VPS13A: variants seen among roughly 807,000 people sequenced by gnomAD.
VPS13A encodes vacuolar protein sorting 13 homolog A.
Under a neutral mutation model 390.9 loss-of-function variants are expected in VPS13A, and 264 were observed. That is an observed-to-expected ratio of 0.68 (90% CI 0.61 to 0.75). The LOEUF is 0.75. VPS13A is among the 30% of genes least tolerant of loss of function. VPS13A has a pLI of 0.00. For synonymous variants in VPS13A, 1,231 were observed against 1,227.1 expected (o/e 1.00, Z -0.07); for missense variants, 3,409 against 3,733.9 (o/e 0.91, Z 2.27).
At chr9:77,238,783 T>C (rs1469139503) in intron 19 of VPS13A, among the ~76,000 whole-genome samples, 2 of 152,196 alleles carry the variant, frequency 1.3e-5, no homozygotes, top group East Asian at 3.8e-4. Flanking sequence ...ATTTCTTCCT[T>C]AAATATTTGG....
intron 48 of VPS13A, 53 bp downstream of exon 48, chr9:77,339,964 T>A: frequency 1.9e-6 from 3 of 1,584,754 alleles, no homozygotes; most frequent in Non-Finnish European, 2.6e-6. Context: ...TGTCACTTTT[T>A]AGTTTTTAAA....
At chr9:77,332,327 A>T (rs1355978300) in intron 46 of VPS13A, among the ~76,000 whole-genome samples, 1 of 152,022 alleles carries the variant, frequency 6.6e-6, no homozygotes, top group Non-Finnish European at 1.5e-5. Context: ...TCTTAAATAT[A>T]ATTATATTTT....
At chr9:77,185,365 C>T (rs1824269158) in intron 1 of VPS13A, among the ~76,000 whole-genome samples, 1 of 152,166 alleles carries the variant, frequency 6.6e-6, no homozygotes, top group African/African-American at 2.4e-5. Context: ...TGGTCTTGAT[C>T]TCTTGACCTT....
intron 69 of VPS13A, 66 bp from the exon 70 acceptor site, chr9:77,405,798 C>CTGTT: frequency 1.3e-6 from 2 of 1,594,974 alleles, no homozygotes; most frequent in Non-Finnish European, 8.5e-7. Flanking sequence ...CATTCGTATC[C>CTGTT]TGTTGTTATT....
chr9:77,319,790 C>A, intron 42 of VPS13A, 117 bp downstream of exon 42: 1 of 558,824 alleles, frequency 1.8e-6, no homozygotes, highest in Non-Finnish European at 3.1e-6. Context: ...CAGAGATTTC[C>A]CGTATACCAC....
chr9:77,326,160 T>C (rs960643732), intron 45 of VPS13A, among the ~76,000 whole-genome samples: 2 of 152,190 alleles, frequency 1.3e-5, no homozygotes, highest in Non-Finnish European at 2.9e-5. Flanking sequence ...TGTGTCAATC[T>C]TTTCTTCAGC....
intron 33 of VPS13A, among the ~76,000 whole-genome samples, chr9:77,298,503 G>C (rs1303932717): frequency 6.6e-6 from 1 of 152,138 alleles, no homozygotes; most frequent in African/African-American, 2.4e-5. Context: ...TGCTGATATT[G>C]TTAACCATGA....
Position 77,421,455 on chromosome 9 carries a change from T to A in VPS13A, c.*5449T>A, listed in dbSNP as rs141622935. 39 of 152,350 alleles carry A rather than the reference T, an allele frequency of 2.6e-4. No homozygotes were observed. The highest frequency in any genetic ancestry group is 2.4e-3 in the Admixed American group (36 of 15,304). The allele number at this position is 152,350 out of a possible 1,614,324, so 9.4% of individuals were successfully genotyped here. A position where few individuals can be genotyped will look rare whatever the true frequency, so the allele number is the denominator to read the frequency against. On this transcript the variant is annotated 3_prime_UTR_variant, in exon 72 of 72. Coordinates refer to ENST00000360280, the MANE Select transcript of VPS13A (RefSeq NM_033305.3). ...TTTCTTAACAATAAGCATTTCTTGG[T>A]ATTGGTAGATTTGGATTGCATGGTA...
chr9:77,250,800 G>A (rs1460027479), intron 21 of VPS13A, among the ~76,000 whole-genome samples: 1 of 152,156 alleles, frequency 6.6e-6, no homozygotes. Context: ...AGCTAGTTTT[G>A]AAGATGAAGT....
At chr9:77,241,787 G>T (rs1002132414) in intron 19 of VPS13A, among the ~76,000 whole-genome samples, 1 of 152,144 alleles carries the variant, frequency 6.6e-6, no homozygotes, top group African/African-American at 2.4e-5. Flanking sequence ...GACTGCCAAA[G>T]AATTCTTGGG....
chr9:77,220,396 A>ATTTT lies in VPS13A; in HGVS notation c.989+25_989+28dup. 2.3e-6 allele frequency: 3 copies of ATTTT among 1,293,432 alleles called. No homozygotes were observed. The highest frequency in any genetic ancestry group is 2.1e-5 in the Admixed American group (1 of 48,484). 80.1% of individuals were successfully genotyped at this position (1,293,432 alleles called of 1,614,324 possible). ...ATGCCAGAGAATGGTAAATGCCTTGATTTTTTTTTTTTTTTAGATTTTAAA... is the reference window on the plus strand; with the variant it reads ...ATGCCAGAGAATGGTAAATGCCTTGATTTTTTTTTTTTTTTTTTTAGATTTTAAA... On this transcript the variant is annotated intron_variant, in intron 12 of 71. Transcript: ENST00000360280.
chr9:77,400,827 G>GA (rs60578931), intron 68 of VPS13A, among the ~76,000 whole-genome samples: 84,361 of 133,230 alleles, frequency 0.63, 26,370 homozygotes, highest in Middle Eastern at 0.77. Flanking sequence ...GACTCTGTCT[G>GA]AAAAAAAAAA....
Position 77,370,588 on chromosome 9 carries a change from T to C in VPS13A, c.8907+10T>C. ...AAAAGGCTTAGTTTCTGTAAGAAATTTCACAGGGTTGTGAAGATTTTGGGA... is the reference window on the plus strand; with the variant it reads ...AAAAGGCTTAGTTTCTGTAAGAAATCTCACAGGGTTGTGAAGATTTTGGGA... On this transcript the variant is annotated intron_variant, in intron 65 of 71. Coordinates refer to ENST00000360280, the MANE Select transcript of VPS13A (RefSeq NM_033305.3). 6.2e-7 allele frequency: 1 copy of C among 1,614,064 alleles called. No homozygotes were observed. The highest frequency in any genetic ancestry group is 8.5e-7 in the Non-Finnish European group (1 of 1,180,002).
intron 45 of VPS13A, among the ~76,000 whole-genome samples, chr9:77,324,770 GGGTTT>G (rs1829918085): frequency 6.9e-6 from 1 of 144,766 alleles, no homozygotes; most frequent in Admixed American, 6.8e-5. Context: ...CGCATCTCCT[GGGTTT>G]AAGCAATCCT....
At chr9:77,236,601 T>C (rs186372999) in intron 17 of VPS13A, among the ~76,000 whole-genome samples, 3 of 152,346 alleles carry the variant, frequency 2.0e-5, no homozygotes, top group East Asian at 1.9e-4. Context: ...TATTTGGAAA[T>C]AGCCTTTGCA....
In VPS13A at chr9:77,368,144, T is replaced by C; in HGVS notation, c.8553+8T>C. On this transcript the variant is annotated splice_region_variant and intron_variant, in intron 62 of 71. Transcript: ENST00000360280. ...AGACACTATTCAAAACAGGTTTGTC[T>C]AAGATTATATTACAGAGGGACAGAG... 1 of 1,605,722 alleles carries C rather than the reference T, an allele frequency of 6.2e-7. No homozygotes were observed. The highest frequency in any genetic ancestry group is 1.3e-5 in the African/African-American group (1 of 74,922).
At position 77,358,204 on chromosome 9, in the gene VPS13A, C is replaced by T. The variant is rs62573250; in HGVS notation, c.7954-153C>T. Reference sequence around the variant, plus strand: ...CTCCTGACCCCAGATGATCCACCCGCCTCGGCCTCCCAAAGTGCTGGGATT... The same window carrying T: ...CTCCTGACCCCAGATGATCCACCCGTCTCGGCCTCCCAAAGTGCTGGGATT... On this transcript the variant is annotated intron_variant, in intron 56 of 71. Coordinates refer to ENST00000360280, the MANE Select transcript of VPS13A (RefSeq NM_033305.3). Among the ~76,000 whole-genome samples the T allele has an allele frequency of 0.028, 4,202 of 152,104 alleles. 77 individuals are homozygous for T. The highest frequency in any genetic ancestry group is 0.044 in the Non-Finnish European group (2,982 of 68,006).
chr9:77,411,020 T>C lies in VPS13A; in HGVS notation c.9474+3413T>C, dbSNP rs538306120. On this transcript the variant is annotated intron_variant, in intron 71 of 71. Coordinates refer to ENST00000360280, the MANE Select transcript of VPS13A (RefSeq NM_033305.3). ...GCACCACACTGCACTTATTCCAAAA[T>C]TGACCACTTAGTTGGAAGTAAAGCA... Among the ~76,000 whole-genome samples, 17 of 152,292 alleles carry C rather than the reference T, an allele frequency of 1.1e-4. No individual in the cohort carries two copies. The East Asian group carries it at 2.3e-3, about 21-fold the overall frequency.
intron 17 of VPS13A, among the ~76,000 whole-genome samples, chr9:77,237,482 A>G (rs987029770): frequency 2.6e-5 from 4 of 152,008 alleles, no homozygotes; most frequent in African/African-American, 9.7e-5. Context: ...TTCCTGCCTC[A>G]GCCTCCCGAG....
Sources: allele counts gnomAD v4.1 joint callset (sites outside exome capture counted in the v4.1 genomes callset), GRCh38; gene constraint gnomAD v4.1.1; transcripts MANE v1.5; gene names NCBI Gene and HGNC (gene_info 2026-07-23, HGNC 2026-07-21).